CDH23: variants seen among roughly 807,000 people sequenced by gnomAD.
CDH23 encodes the protein cadherin related 23, also known as cadherin-23.
A neutral mutation model predicts 317.1 loss-of-function variants in CDH23; 189 were observed. The ratio of observed to expected loss-of-function variants is 0.60; its 90% confidence interval spans 0.53 to 0.67. CDH23 has a LOEUF of 0.67. Ranked by LOEUF, CDH23 falls within the 30% of genes least tolerant of loss-of-function variation. The pLI is 0.00. For missense variants in CDH23, 4,401 were observed against 4,592.4 expected (o/e 0.96, Z 1.20); for synonymous variants, 1,839 against 1,876.8 (o/e 0.98, Z 0.52).
At chr10:71,519,471 T>C (rs1277217371) in intron 6 of CDH23, among the ~76,000 whole-genome samples, 1 of 152,262 alleles carries the variant, frequency 6.6e-6, no homozygotes, top group Non-Finnish European at 1.5e-5. Context: ...GGGGGCAGAC[T>C]TAGGAAACCA....
chr10:71,461,146 C>T (rs1410055717), intron 3 of CDH23, among the ~76,000 whole-genome samples: 5 of 152,242 alleles, frequency 3.3e-5, no homozygotes, highest in Admixed American at 6.5e-5. Flanking sequence ...CTCCCTCCAC[C>T]CCTGCAGCCA....
At chr10:71,783,770 C>T (rs545311434) in intron 41 of CDH23, among the ~76,000 whole-genome samples, 5 of 152,334 alleles carry the variant, frequency 3.3e-5, no homozygotes, top group South Asian at 2.1e-4. Flanking sequence ...GCCCCTCATC[C>T]GTCCCCTTCT....
intron 11 of CDH23, among the ~76,000 whole-genome samples, chr10:71,620,565 C>T (rs946215895): frequency 6.6e-6 from 1 of 152,180 alleles, no homozygotes; most frequent in African/African-American, 2.4e-5. Context: ...CTCTAGTGAC[C>T]GCCCCCCACC....
At chr10:71,613,813 G>C (rs1033799186) in intron 9 of CDH23, among the ~76,000 whole-genome samples, 5 of 152,290 alleles carry the variant, frequency 3.3e-5, no homozygotes, top group Non-Finnish European at 5.9e-5. Flanking sequence ...TGTGTTGAAG[G>C]CTTGGGTATT....
intron 31 of CDH23, 84 bp from the exon 32 acceptor site, chr10:71,731,903 G>C (rs547111328): frequency 1.4e-6 from 2 of 1,453,346 alleles, no homozygotes; most frequent in Admixed American, 4.1e-5. Context: ...CACCCAGGGG[G>C]TATGGGTGTG....
intron 3 of CDH23, among the ~76,000 whole-genome samples, chr10:71,470,585 GC>G (rs1851460609): frequency 6.6e-6 from 1 of 151,944 alleles, no homozygotes; most frequent in Non-Finnish European, 1.5e-5. Context: ...AGCATCCTAG[GC>G]TCTAGCAGTC....
At position 71,784,394 on chromosome 10, in the gene CDH23, C is replaced by G. The variant is rs753656026; in HGVS notation, c.5476C>G (p.Arg1826Gly). Reference protein sequence around the residue: ...FYNLTICARDRGMPPLSSTML... With the variant: ...FYNLTICARDGGMPPLSSTML... The stretch of plus-strand genomic sequence containing the variant: ...CAACCTGACCATCTGTGCCCGTGAC[C>G]GGGGGATGCCCCCACTCAGCTCCAC... Residue 1826 changes from arginine (R) to glycine (G), a missense_variant, in exon 42 of 70, where the codon CGG becomes GGG. Around this residue, in one of 3 missense-constraint regions of CDH23, gnomAD observed 3,068 missense variants for 3,203.3 expected, o/e 0.96. Coordinates refer to ENST00000224721, the MANE Select transcript of CDH23 (RefSeq NM_022124.6). The G allele has an allele frequency of 6.2e-7, 1 of 1,613,716 alleles. No individual in the cohort carries two copies. The highest frequency in any genetic ancestry group is 8.5e-7 in the Non-Finnish European group (1 of 1,179,692).
At chr10:71,688,596 TCAGGGGTGGTGGAGC>T (rs1243647182) in intron 19 of CDH23, among the ~76,000 whole-genome samples, 186 of 62,338 alleles carry the variant, frequency 3.0e-3, no homozygotes, top group African/African-American at 0.01. Context: ...GGTGGTGGAG[TCAGGGGTGGTGGAGC>T]CAGGGGTGGT....
rs141609369 is a variant in CDH23, at chr10:71,656,714, G to A, written c.1449+10097G>A. On this transcript the variant is annotated intron_variant, in intron 14 of 69. Transcript: ENST00000224721. ...TGGAAGGAAGCCAGCTGGGATCCAGGTTGAAAATGCAGGAAAGAGTAGCCC... is the reference window on the plus strand; with the variant it reads ...TGGAAGGAAGCCAGCTGGGATCCAGATTGAAAATGCAGGAAAGAGTAGCCC... 3.3e-5 allele frequency among the ~76,000 whole-genome samples: 5 copies of A among 152,294 alleles called. No individual in the cohort carries two copies. The East Asian group carries it at 9.7e-4, about 29-fold the overall frequency.
chr10:71,792,820 TAAAAAAAA>T (rs1158593304), intron 47 of CDH23, among the ~76,000 whole-genome samples: 74 of 47,836 alleles, frequency 1.5e-3, no homozygotes, highest in East Asian at 5.3e-3. Flanking sequence ...AGACTCCATC[TAAAAAAAA>T]AAAAAAAAAA....
At chr10:71,423,067 C>T (rs1046863688) in intron 1 of CDH23, among the ~76,000 whole-genome samples, 11 of 152,168 alleles carry the variant, frequency 7.2e-5, no homozygotes, top group African/African-American at 1.9e-4. Flanking sequence ...TTGAACACCT[C>T]CTATGTTATG....
chr10:71,714,318 G>A (rs1229742938), intron 28 of CDH23: 3 of 152,056 alleles, frequency 2.0e-5, no homozygotes, highest in Admixed American at 1.3e-4. Context: ...GCTGGGCCAC[G>A]CTTCACTCTG....
At chr10:71,589,017 C>A (rs1465004763) in intron 9 of CDH23, among the ~76,000 whole-genome samples, 1 of 152,234 alleles carries the variant, frequency 6.6e-6, no homozygotes, top group Non-Finnish European at 1.5e-5. Context: ...ACGCAAACAG[C>A]TCCCCCAGCT....
rs752776373 is a variant in CDH23, at chr10:71,712,686, G to A, written c.3242G>A (p.Arg1081Gln). The A allele has an allele frequency of 5.0e-6, 8 of 1,613,562 alleles. No homozygotes were observed. Among genetic ancestry groups the A allele is most frequent in the African/African-American group, 4.0e-5 (3 of 74,940 alleles). The change falls in exon 28 of 70, where the codon CGA becomes CAA. Residue 1081 changes from arginine to glutamine, a missense_variant. Physicochemically the swap from Arg to Gln is conservative, Grantham distance 43. This residue lies in a region of CDH23 where 3,068 missense variants were observed against 3,203.3 expected (regional missense o/e 0.96). Transcript: ENST00000224721. ...EAIDNGPVGK[R>Q]HTGTATVFVT... ...ACAGACAACGGCCCTGTAGGGAAGC[G>A]ACACACGGGCACAGCCACCGTGTTC...
At chr10:71,582,249 A>C (rs1858690975) in intron 9 of CDH23, among the ~76,000 whole-genome samples, 1 of 152,170 alleles carries the variant, frequency 6.6e-6, no homozygotes, top group South Asian at 2.1e-4. Flanking sequence ...CGGCCAGTGC[A>C]TTTGCCCACA....
intron 17 of CDH23, among the ~76,000 whole-genome samples, chr10:71,680,309 C>T (rs1864564356): frequency 6.6e-6 from 1 of 152,212 alleles, no homozygotes; most frequent in Non-Finnish European, 1.5e-5. Context: ...ACACCTCCTC[C>T]TTTGGGAAGC....
At chr10:71,747,422 C>G (rs1376998985) in intron 38 of CDH23, 1 of 152,332 alleles carries the variant, frequency 6.6e-6, no homozygotes, top group African/African-American at 2.4e-5. Flanking sequence ...TACAGTGGAG[C>G]CCTGGACCTG....
Position 71,479,349 on chromosome 10 carries a change from G to A in CDH23, c.146-30733G>A, listed in dbSNP as rs112795847. 3.5e-3 allele frequency among the ~76,000 whole-genome samples: 535 copies of A among 152,294 alleles called. 5 individuals carry two copies. Among genetic ancestry groups the A allele is most frequent in the South Asian group, 0.015 (74 of 4,828 alleles). On this transcript the variant is annotated intron_variant, in intron 3 of 69. Coordinates refer to ENST00000224721, the MANE Select transcript of CDH23 (RefSeq NM_022124.6). ...TGTCTCAGGGTTCCTCAGGGAACCC[G>A]CAGTGTGGACACCTTCAGGAGGTTT...
At chr10:71,442,924 T>C (rs960744034) in intron 2 of CDH23, among the ~76,000 whole-genome samples, 1 of 152,158 alleles carries the variant, frequency 6.6e-6, no homozygotes, top group African/African-American at 2.4e-5. Flanking sequence ...GCAGGGCTTT[T>C]TGTCCCCATC....
Sources: allele counts gnomAD v4.1 joint callset (sites outside exome capture counted in the v4.1 genomes callset), GRCh38; gene constraint gnomAD v4.1.1; regional missense constraint gnomAD v4.1.1; transcripts MANE v1.5; gene names NCBI Gene and HGNC (gene_info 2026-07-23, HGNC 2026-07-21).